CLASP2: variants seen among roughly 807,000 people sequenced by gnomAD.
CLASP2 encodes CLIP-associating protein 2.
A neutral mutation model predicts 194.4 loss-of-function variants in CLASP2; 47 were observed. That is an observed-to-expected ratio of 0.24 (90% CI 0.19 to 0.31). The LOEUF is 0.31. Among genes scored for constraint, CLASP2 ranks in the 10% least tolerant of loss-of-function variants. CLASP2 has a pLI of 1.00. For missense variants in CLASP2, 1,445 were observed against 1,823.6 expected (o/e 0.79, Z 3.78); for synonymous variants, 619 against 633.5 (o/e 0.98, Z 0.34).
At chr3:33,525,966 T>G (rs2054433202) in intron 34 of CLASP2, among the ~76,000 whole-genome samples, 1 of 152,212 alleles carries the variant, frequency 6.6e-6, no homozygotes, top group African/African-American at 2.4e-5. Context: ...TTTGGGTGAC[T>G]TGGCTGATCC....
chr3:33,601,022 G>C (rs1168127668), intron 18 of CLASP2, among the ~76,000 whole-genome samples: 1 of 139,058 alleles, frequency 7.2e-6, no homozygotes, highest in Non-Finnish European at 1.5e-5. Flanking sequence ...GCAGTGGCAA[G>C]ATCTCGGCTC....
intron 1 of CLASP2, among the ~76,000 whole-genome samples, chr3:33,712,681 A>G (rs2154358394): frequency 6.6e-6 from 1 of 152,222 alleles, no homozygotes; most frequent in Admixed American, 6.5e-5. Flanking sequence ...GAAAGGGTCA[A>G]GCCGGGCACG....
At position 33,718,130 on chromosome 3, in the gene CLASP2, G is replaced by C. The variant is rs995264256; in HGVS notation, c.-128C>G. On this transcript the variant is annotated 5_prime_UTR_variant, in exon 1 of 39. Transcript: ENST00000682230. ...TTAGCCCGCCAGGGGCGCGGCTTGC[G>C]GGGCGCAGCGGGCGGCGGGAGGAAC... 14 of 940,708 alleles carry C rather than the reference G, an allele frequency of 1.5e-5. No individual in the cohort carries two copies. Among genetic ancestry groups the C allele is most frequent in the Admixed American group, 4.1e-5 (1 of 24,164 alleles). 58.3% of individuals were successfully genotyped at this position (940,708 alleles called of 1,614,324 possible).
chr3:33,625,591 G>C (rs1305788573), intron 10 of CLASP2, among the ~76,000 whole-genome samples: 1 of 149,694 alleles, frequency 6.7e-6, no homozygotes, highest in African/African-American at 2.5e-5. Flanking sequence ...TACAAAAAGA[G>C]TAGGGGAAAA....
chr3:33,576,366 G>GA (rs2064893111), intron 23 of CLASP2, 91 bp from the exon 24 acceptor site: 57 of 878,468 alleles, frequency 6.5e-5, no homozygotes, highest in Middle Eastern at 2.5e-4. Flanking sequence ...ACAGGGGAAG[G>GA]AAAAAAAACC....
intron 26 of CLASP2, among the ~76,000 whole-genome samples, chr3:33,567,594 A>G (rs907234678): frequency 6.6e-6 from 1 of 152,220 alleles, no homozygotes; most frequent in Non-Finnish European, 1.5e-5. Context: ...AATCTGCTGC[A>G]AACTCCTTAA....
At chr3:33,656,018 A>G (rs918856435) in intron 7 of CLASP2, among the ~76,000 whole-genome samples, 2 of 152,140 alleles carry the variant, frequency 1.3e-5, no homozygotes, top group Non-Finnish European at 2.9e-5. Context: ...CCACATAATA[A>G]TCCTACAGGT....
intron 34 of CLASP2, among the ~76,000 whole-genome samples, chr3:33,523,537 T>C (rs982161276): frequency 2.0e-5 from 3 of 152,132 alleles, no homozygotes; most frequent in Non-Finnish European, 4.4e-5. Context: ...AGAAAAAAAC[T>C]GTTAACCAAG....
At chr3:33,538,512 T>G (rs1465854258) in intron 33 of CLASP2, among the ~76,000 whole-genome samples, 3 of 152,032 alleles carry the variant, frequency 2.0e-5, no homozygotes, top group Non-Finnish European at 4.4e-5. Context: ...GACCACACAA[T>G]CTAAGATTCA....
intron 20 of CLASP2, among the ~76,000 whole-genome samples, chr3:33,593,212 T>C (rs902326501): frequency 6.6e-5 from 10 of 152,300 alleles, no homozygotes; most frequent in African/African-American, 2.2e-4. Context: ...TCTAGGGCTC[T>C]TGAACTACAA....
intron 2 of CLASP2, among the ~76,000 whole-genome samples, chr3:33,695,770 T>C (rs1177077937): frequency 6.6e-6 from 1 of 151,958 alleles, no homozygotes. Flanking sequence ...CAACACCCCA[T>C]CTCTATTTTA....
chr3:33,527,561 C>T (rs905574350), intron 34 of CLASP2, among the ~76,000 whole-genome samples: 2 of 152,152 alleles, frequency 1.3e-5, no homozygotes, highest in Non-Finnish European at 2.9e-5. Flanking sequence ...TGGTACCATT[C>T]CTACAGAAAT....
chr3:33,601,268 C>CT (rs1022047319), intron 18 of CLASP2, among the ~76,000 whole-genome samples: 5 of 152,188 alleles, frequency 3.3e-5, no homozygotes, highest in East Asian at 1.9e-4. Flanking sequence ...CGATAAGGCC[C>CT]TTTTTACCAC....
intron 7 of CLASP2, among the ~76,000 whole-genome samples, chr3:33,658,623 T>C (rs111497313): frequency 0.026 from 3,957 of 152,302 alleles, 155 homozygotes; most frequent in African/African-American, 0.089. Flanking sequence ...ATCTTCCTGC[T>C]AAAATCTGTC....
At chr3:33,503,147 C>G (rs2047213488) in intron 37 of CLASP2, 2 of 152,038 alleles carry the variant, frequency 1.3e-5, no homozygotes, top group Admixed American at 6.5e-5. Flanking sequence ...CTTCCCAGAA[C>G]AGTTAGGGAA....
At chr3:33,717,786 C>T (rs2093366242) in intron 1 of CLASP2, 22 bp downstream of exon 1, 2 of 1,549,212 alleles carry the variant, frequency 1.3e-6, no homozygotes, top group Admixed American at 3.9e-5. Context: ...GTGACCAGCC[C>T]AGCCTCGCCG....
chr3:33,705,301 T>A (rs567459267), intron 1 of CLASP2, among the ~76,000 whole-genome samples: 22 of 152,184 alleles, frequency 1.4e-4, no homozygotes, highest in Non-Finnish European at 2.8e-4. Flanking sequence ...AGAGGCTACA[T>A]GTTATATGGT....
intron 21 of CLASP2, among the ~76,000 whole-genome samples, chr3:33,587,818 A>G (rs2067758919): frequency 6.6e-6 from 1 of 152,194 alleles, no homozygotes; most frequent in Non-Finnish European, 1.5e-5. Flanking sequence ...ACAACTCACA[A>G]TGCAAGATAG....
chr3:33,630,557 G>GC (rs2078907279), intron 9 of CLASP2, among the ~76,000 whole-genome samples: 1 of 108,410 alleles, frequency 9.2e-6, no homozygotes, highest in Non-Finnish European at 1.8e-5. Flanking sequence ...TTTAAAGAGC[G>GC]TAAAAAAAAA....
Sources: gnomAD v4.1 joint callset for allele counts (sites outside exome capture counted in the v4.1 genomes callset) on GRCh38, gnomAD v4.1.1 for gene constraint, MANE v1.5 for transcripts, NCBI Gene and HGNC (gene_info 2026-07-23, HGNC 2026-07-21) for gene names.